CENPC: variants seen among roughly 807,000 people sequenced by gnomAD.
CENPC encodes CENP-C 1.
In CENPC, 63 loss-of-function variants were observed where a neutral mutation model predicts 112.1. The observed-to-expected ratio is 0.56, with a 90% CI of 0.46 to 0.69. The LOEUF is 0.69. Among genes scored for constraint, CENPC ranks in the 30% least tolerant of loss-of-function variants. The pLI is 0.00. For missense variants in CENPC, 1,000 were observed against 1,103.8 expected (o/e 0.91, Z 1.33); for synonymous variants, 333 against 367.6 (o/e 0.91, Z 1.08).
chr4:67,477,274 C>T (rs977753508), intron 17 of CENPC, among the ~76,000 whole-genome samples: 3 of 152,182 alleles, frequency 2.0e-5, no homozygotes, highest in African/African-American at 7.2e-5. Context: ...AACAAAACTA[C>T]AACCAAAGAC....
At chr4:67,489,284 G>A (rs1251676430) in intron 17 of CENPC, among the ~76,000 whole-genome samples, 1 of 151,320 alleles carries the variant, frequency 6.6e-6, no homozygotes, top group Non-Finnish European at 1.5e-5. Context: ...GGGTGGGGGT[G>A]GAAGAAAGGA....
intron 17 of CENPC, among the ~76,000 whole-genome samples, chr4:67,487,575 C>G (rs1008809550): frequency 9.2e-5 from 14 of 151,632 alleles, no homozygotes; most frequent in Admixed American, 2.0e-4. Flanking sequence ...AGGTTGCTGT[C>G]ACCTTTTTGT....
At chr4:67,496,544 T>C (rs1725436522) in intron 12 of CENPC, among the ~76,000 whole-genome samples, 2 of 152,176 alleles carry the variant, frequency 1.3e-5, no homozygotes, top group Non-Finnish European at 2.9e-5. Context: ...TATTCTCAAA[T>C]GAGTCCATGA....
rs780432951 is a variant in CENPC, at chr4:67,545,325, G to T, written c.18+13C>A. On this transcript the variant is annotated intron_variant, in intron 1 of 18. Transcript: ENST00000273853. ...GCTCAACCACTCGCCTGGAGCGGGG[G>T]GCCTGCACTTACCAGACCGGACGCA... 6.7e-7 allele frequency: 1 copy of T among 1,502,470 alleles called. No individual in the cohort carries two copies. The allele number at this position is 1,502,470 out of a possible 1,614,324, so 93.1% of individuals were successfully genotyped here.
At chr4:67,530,706 C>T (rs1418696988) in intron 5 of CENPC, 109 bp downstream of exon 5, 1 of 445,086 alleles carries the variant, frequency 2.2e-6, no homozygotes, top group African/African-American at 2.0e-5. Flanking sequence ...ATTCACAATT[C>T]TGTCTAGGCT....
At chr4:67,514,800 T>A in intron 7 of CENPC, 113 bp from the exon 8 acceptor site, 2 of 1,043,356 alleles carry the variant, frequency 1.9e-6, no homozygotes, top group Admixed American at 2.9e-5. Context: ...TGTTTATATA[T>A]CTCCTCAATT....
intron 5 of CENPC, among the ~76,000 whole-genome samples, chr4:67,528,196 A>T (rs1388560369): frequency 1.3e-5 from 2 of 152,210 alleles, no homozygotes; most frequent in Non-Finnish European, 2.9e-5. Flanking sequence ...ATTTAAAAAA[A>T]TGTTCAGAAT....
At chr4:67,505,134 A>G (rs1014766861) in intron 12 of CENPC, 71 bp downstream of exon 12, 2 of 1,104,730 alleles carry the variant, frequency 1.8e-6, no homozygotes, top group African/African-American at 3.2e-5. Flanking sequence ...CAATGTAAAC[A>G]AAACATAGCA....
chr4:67,478,334 A>G (rs951140960), intron 17 of CENPC, among the ~76,000 whole-genome samples: 1 of 152,176 alleles, frequency 6.6e-6, no homozygotes, highest in Non-Finnish European at 1.5e-5. Flanking sequence ...AAAACCTATC[A>G]GATTAACAGC....
At chr4:67,478,657 CACACACACA>C (rs1560417879) in intron 17 of CENPC, among the ~76,000 whole-genome samples, 17 of 151,546 alleles carry the variant, frequency 1.1e-4, no homozygotes, top group Non-Finnish European at 1.5e-4. Context: ...CACACACACA[CACACACACA>C]CCCAAAGTAT....
At chr4:67,508,392 A>G (rs1725793834) in intron 10 of CENPC, among the ~76,000 whole-genome samples, 1 of 151,836 alleles carries the variant, frequency 6.6e-6, no homozygotes, top group South Asian at 2.1e-4. Context: ...CCACACCTGT[A>G]GTCCTAGCTA....
At chr4:67,490,860 AT>A (rs1560422735) in intron 16 of CENPC, among the ~76,000 whole-genome samples, 490 of 20,236 alleles carry the variant, frequency 0.024, 10 homozygotes, top group Middle Eastern at 0.053. Flanking sequence ...ATATATATAT[AT>A]ATATATATAT....
At chr4:67,481,418 T>C (rs1195604221) in intron 17 of CENPC, among the ~76,000 whole-genome samples, 1 of 152,128 alleles carries the variant, frequency 6.6e-6, no homozygotes, top group Non-Finnish European at 1.5e-5. Flanking sequence ...AAATTCATTA[T>C]GGAACCAAAA....
In CENPC at chr4:67,512,668, T is replaced by A. The variant is rs578106964; in HGVS notation, c.1445-99A>T. On this transcript the variant is annotated intron_variant, in intron 8 of 18. Coordinates refer to ENST00000273853, the MANE Select transcript of CENPC (RefSeq NM_001812.4). ...AAAACCGTCAATTACAGGAACTTCTTAAATTTATCCTGTGGCCTTTTCATC... is the reference window on the plus strand; with the variant it reads ...AAAACCGTCAATTACAGGAACTTCTAAAATTTATCCTGTGGCCTTTTCATC... The A allele has an allele frequency of 1.1e-5, 9 of 810,850 alleles. No homozygotes were observed. The East Asian group carries it at 2.6e-4, about 23-fold the overall frequency. 50.2% of individuals were successfully genotyped at this position (810,850 alleles called of 1,614,324 possible). A position where few individuals can be genotyped will look rare whatever the true frequency, so the allele number is the denominator to read the frequency against.
At chr4:67,538,390 A>G (rs1335629327) in intron 4 of CENPC, among the ~76,000 whole-genome samples, 1 of 152,144 alleles carries the variant, frequency 6.6e-6, no homozygotes, top group Non-Finnish European at 1.5e-5. Flanking sequence ...GACCAGATTT[A>G]CCCTCCTGCC....
chr4:67,536,579 C>CT (rs1174904794), intron 4 of CENPC, among the ~76,000 whole-genome samples: 3 of 151,770 alleles, frequency 2.0e-5, no homozygotes, highest in Non-Finnish European at 4.4e-5. Flanking sequence ...AGTCTTAAGT[C>CT]TGATTTTATT....
chr4:67,483,807 ATAG>A (rs1725017792), intron 17 of CENPC, among the ~76,000 whole-genome samples: 2 of 152,230 alleles, frequency 1.3e-5, no homozygotes, highest in African/African-American at 4.8e-5. Context: ...AAAAAAGCTT[ATAG>A]AATAAGGAAA....
At chr4:67,531,055 T>C (rs1726534188) in intron 4 of CENPC, 141 bp from the exon 5 acceptor site, 2 of 456,812 alleles carry the variant, frequency 4.4e-6, no homozygotes, top group Non-Finnish European at 7.7e-6. Flanking sequence ...CTACTTTTTA[T>C]TTTATTTCTA....
At chr4:67,488,879 T>A (rs569138886) in intron 17 of CENPC, among the ~76,000 whole-genome samples, 1 of 152,116 alleles carries the variant, frequency 6.6e-6, no homozygotes, top group East Asian at 1.9e-4. Flanking sequence ...GACTTTCATA[T>A]GTATCTTTTC....
Sources: gnomAD v4.1 joint callset for allele counts (sites outside exome capture counted in the v4.1 genomes callset) on GRCh38, gnomAD v4.1.1 for gene constraint, MANE v1.5 for transcripts, NCBI Gene and HGNC (gene_info 2026-07-23, HGNC 2026-07-21) for gene names.